Variants in WAPL observed in about 807,000 individuals in gnomAD.
WAPL encodes the protein WAPL cohesin release factor, also known as wings apart-like protein homolog.
WAPL carries 5 observed loss-of-function variants against 121.0 expected under a neutral mutation model. That is an observed-to-expected ratio of 0.04 (90% CI 0.02 to 0.09). The LOEUF is 0.09. WAPL is among the 10% of genes least tolerant of loss of function. The pLI is 1.00. For synonymous variants in WAPL, 480 were observed against 481.5 expected (o/e 1.00, Z 0.04); for missense variants, 999 against 1,410.8 (o/e 0.71, Z 4.68).
At chr10:86,461,109 C>T (rs7922658) in intron 10 of WAPL, 67 bp downstream of exon 10, 1,049,933 of 1,167,722 alleles carry the variant, frequency 0.9, 474,887 homozygotes, top group Non-Finnish European at 0.92. Context: ...TTTTGAAGTA[C>T]GTCAATGGAG....
intron 15 of WAPL, among the ~76,000 whole-genome samples, chr10:86,449,970 CAT>C (rs1840938132): frequency 6.6e-6 from 1 of 152,080 alleles, no homozygotes; most frequent in South Asian, 2.1e-4. Context: ...AACAGAGGTA[CAT>C]ATGTTACACA....
intron 4 of WAPL, among the ~76,000 whole-genome samples, chr10:86,487,244 C>T (rs191020042): frequency 6.6e-6 from 1 of 152,070 alleles, no homozygotes; most frequent in Admixed American, 6.6e-5. Context: ...AGTATATCAG[C>T]ACACATATGA....
intron 2 of WAPL, among the ~76,000 whole-genome samples, chr10:86,510,341 G>A (rs1342928491): frequency 6.6e-6 from 1 of 152,038 alleles, no homozygotes; most frequent in Non-Finnish European, 1.5e-5. Flanking sequence ...CAAAGTGTTG[G>A]GATTACAGGT....
chr10:86,510,028 C>T (rs1162795653), intron 2 of WAPL, among the ~76,000 whole-genome samples: 28 of 146,630 alleles, frequency 1.9e-4, no homozygotes, highest in Non-Finnish European at 1.2e-4. Context: ...CCTTCCAAAC[C>T]GAAGTGCTGG....
chr10:86,494,569 C>T (rs1564582223), intron 4 of WAPL, among the ~76,000 whole-genome samples: 1 of 152,186 alleles, frequency 6.6e-6, no homozygotes, highest in Non-Finnish European at 1.5e-5. Context: ...GTTCCCAGTA[C>T]TTACAAACTT....
chr10:86,487,886 C>T (rs1201793818), intron 4 of WAPL, among the ~76,000 whole-genome samples: 5 of 152,114 alleles, frequency 3.3e-5, no homozygotes, highest in African/African-American at 1.2e-4. Flanking sequence ...CAGAGCAAGA[C>T]TCTGTCTCAA....
chr10:86,492,325 G>C (rs1009568278), intron 4 of WAPL, among the ~76,000 whole-genome samples: 2 of 152,118 alleles, frequency 1.3e-5, no homozygotes, highest in East Asian at 3.9e-4. Context: ...TCTGTAACTC[G>C]AGCAATAAAT....
At chr10:86,439,676 A>G (rs1418395496) in intron 17 of WAPL, among the ~76,000 whole-genome samples, 1 of 152,234 alleles carries the variant, frequency 6.6e-6, no homozygotes, top group Non-Finnish European at 1.5e-5. Flanking sequence ...GCAACACTAA[A>G]CAGTCATGAG....
At chr10:86,468,715 G>A (rs1841459499) in intron 8 of WAPL, among the ~76,000 whole-genome samples, 1 of 151,974 alleles carries the variant, frequency 6.6e-6, no homozygotes, top group South Asian at 2.1e-4. Context: ...TGTAATCCCA[G>A]CACTTTGGGA....
rs182639757 is a variant in WAPL, at chr10:86,496,610, C to G, written c.1644+591G>C. 1.9e-3 allele frequency among the ~76,000 whole-genome samples: 286 copies of G among 152,150 alleles called. 1 individual carries two copies. The highest frequency in any genetic ancestry group is 6.4e-3 in the African/African-American group (267 of 41,498). ...TGGAGGTGTGGTGGTGTGTGTATGT[C>G]TCACACACAATGGAATATTCTTTTA... On this transcript the variant is annotated intron_variant, in intron 4 of 18. Transcript: ENST00000298767.
intron 8 of WAPL, among the ~76,000 whole-genome samples, chr10:86,469,137 A>C (rs2132189911): frequency 6.6e-6 from 1 of 151,360 alleles, no homozygotes; most frequent in African/African-American, 2.4e-5. Flanking sequence ...AAATACAAAA[A>C]TTAGCCTGGC....
intron 8 of WAPL, among the ~76,000 whole-genome samples, chr10:86,468,927 C>G (rs1017505067): frequency 2.0e-5 from 3 of 151,910 alleles, no homozygotes; most frequent in African/African-American, 7.3e-5. Flanking sequence ...ATGATGAAAC[C>G]CTGTCTCTAC....
At chr10:86,439,815 A>T (rs543487983) in intron 17 of WAPL, among the ~76,000 whole-genome samples, 5 of 152,348 alleles carry the variant, frequency 3.3e-5, no homozygotes, top group African/African-American at 1.2e-4. Context: ...AAGCAGGAAG[A>T]GCAGTGAGGA....
chr10:86,512,892 CATA>C (rs1405213789), intron 2 of WAPL, among the ~76,000 whole-genome samples: 1 of 151,982 alleles, frequency 6.6e-6, no homozygotes, highest in African/African-American at 2.4e-5. Context: ...TGAAAAGTTT[CATA>C]ATAAACGTTT....
chr10:86,500,894 G>C (rs1842235901), intron 2 of WAPL, 151 bp from the exon 3 acceptor site: 1 of 732,706 alleles, frequency 1.4e-6, no homozygotes. Context: ...TTACATATCA[G>C]ACATTTCCTC....
chr10:86,507,885 A>ATCT (rs1284344018), intron 2 of WAPL, among the ~76,000 whole-genome samples: 9 of 152,030 alleles, frequency 5.9e-5, no homozygotes, highest in Admixed American at 2.0e-4. Context: ...TCCACAGTCT[A>ATCT]TCTTCTCAAT....
intron 1 of WAPL, among the ~76,000 whole-genome samples, chr10:86,518,397 T>C (rs1473358727): frequency 6.6e-6 from 1 of 152,346 alleles, no homozygotes; most frequent in African/African-American, 2.4e-5. Context: ...CATATTAAGT[T>C]CCAAATGAAT....
At chr10:86,487,943 T>A (rs913759837) in intron 4 of WAPL, among the ~76,000 whole-genome samples, 2 of 151,638 alleles carry the variant, frequency 1.3e-5, no homozygotes, top group Non-Finnish European at 1.5e-5. Context: ...TAACACAGGG[T>A]AGAGGGGTAG....
intron 4 of WAPL, among the ~76,000 whole-genome samples, chr10:86,496,606 A>G (rs1303167820): frequency 6.6e-6 from 1 of 152,182 alleles, no homozygotes; most frequent in Non-Finnish European, 1.5e-5. Flanking sequence ...TGGTGTGTGT[A>G]TGTCTCACAC....
Sources: allele counts gnomAD v4.1 joint callset (sites outside exome capture counted in the v4.1 genomes callset), GRCh38; gene constraint gnomAD v4.1.1; transcripts MANE v1.5; gene names NCBI Gene and HGNC (gene_info 2026-07-23, HGNC 2026-07-21).